The following ZNF407 variants were observed in gnomAD, a reference collection of about 807,000 sequenced individuals.
The protein encoded by ZNF407 is zinc finger protein 407.
ZNF407 carries 17 observed loss-of-function variants against 131.2 expected under a neutral mutation model. That is an observed-to-expected ratio of 0.13 (90% CI 0.09 to 0.19). The LOEUF (loss-of-function observed/expected upper bound fraction) is 0.19. Ranked by LOEUF, ZNF407 falls within the 10% of genes least tolerant of loss-of-function variation. The pLI, the probability that ZNF407 is intolerant of heterozygous loss-of-function variation, is 1.00. For missense variants in ZNF407, 2,681 were observed against 2,830.6 expected (o/e 0.95, Z 1.20); for synonymous variants, 1,156 against 1,062.0 (o/e 1.09, Z -1.72).
Position 74,631,672 on chromosome 18 carries a change from G to A in ZNF407, c.653G>A (p.Cys218Tyr). ...CAGCAGCCTAAGGAACATACCTGTT[G>A]TCACTGCAGCCACAAAGCAGAGAGC... is the stretch of plus-strand genomic sequence containing the variant. ...HMQQPKEHTC[C>Y]HCSHKAESSS... The change falls in exon 2 of 9, where the codon TGT becomes TAT. Residue 218 changes from cysteine (C) to tyrosine (Y), a missense_variant. Transcript: ENST00000299687. 1 of 1,613,984 alleles carries A rather than the reference G, an allele frequency of 6.2e-7. No individual in the cohort carries two copies. Among genetic ancestry groups the A allele is most frequent in the Non-Finnish European group, 8.5e-7 (1 of 1,179,890 alleles).
chr18:74,904,107 T>A (rs1292290625), intron 7 of ZNF407, among the ~76,000 whole-genome samples: 1 of 152,208 alleles, frequency 6.6e-6, no homozygotes, highest in Non-Finnish European at 1.5e-5. Flanking sequence ...TTCTATTTCA[T>A]TGAAGGGGAG....
chr18:74,610,580 C>T (rs959592232), intron 1 of ZNF407, among the ~76,000 whole-genome samples: 15 of 152,176 alleles, frequency 9.9e-5, no homozygotes, highest in East Asian at 3.9e-4. Context: ...TGAGAAGTCT[C>T]GTTCTTGTCC....
intron 3 of ZNF407, among the ~76,000 whole-genome samples, chr18:74,733,900 G>T (rs1968349545): frequency 6.6e-6 from 1 of 152,152 alleles, no homozygotes; most frequent in Non-Finnish European, 1.5e-5. Context: ...TTTTCTTTGA[G>T]AAAAGTCAAG....
At chr18:74,768,052 C>G (rs75956267) in intron 3 of ZNF407, among the ~76,000 whole-genome samples, 2,079 of 152,134 alleles carry the variant, frequency 0.014, 18 homozygotes, top group Non-Finnish European at 0.023. Flanking sequence ...ACCTTCAATT[C>G]ATTTTCACAT....
intron 1 of ZNF407, among the ~76,000 whole-genome samples, chr18:74,620,998 A>G (rs1342614743): frequency 6.6e-6 from 1 of 152,216 alleles, no homozygotes; most frequent in African/African-American, 2.4e-5. Context: ...CTAGGGGTCT[A>G]TTCAACGAAT....
At chr18:74,731,869 C>A (rs1029981382) in intron 3 of ZNF407, among the ~76,000 whole-genome samples, 1 of 152,048 alleles carries the variant, frequency 6.6e-6, no homozygotes, top group African/African-American at 2.4e-5. Context: ...TTCATACAAA[C>A]CCAGGCCATT....
chr18:75,056,377 C>T (rs780429563), intron 8 of ZNF407, among the ~76,000 whole-genome samples: 1 of 152,154 alleles, frequency 6.6e-6, no homozygotes, highest in Non-Finnish European at 1.5e-5. Context: ...AACCTGTGTT[C>T]TTAAAAACTT....
chr18:75,037,141 A>C (rs1973318336), intron 8 of ZNF407, among the ~76,000 whole-genome samples: 1 of 152,242 alleles, frequency 6.6e-6, no homozygotes, highest in Non-Finnish European at 1.5e-5. Context: ...ATTAGAGCAA[A>C]GCCTCCCACT....
At chr18:74,954,453 T>C (rs1441878792) in intron 8 of ZNF407, among the ~76,000 whole-genome samples, 1 of 152,206 alleles carries the variant, frequency 6.6e-6, no homozygotes, top group East Asian at 1.9e-4. Context: ...ATAAAAAATG[T>C]TGGGCAAAGG....
In ZNF407 at chr18:74,633,273, C is replaced by T; in HGVS notation, c.2254C>T (p.His752Tyr). The T allele has an allele frequency of 6.2e-7, 1 of 1,612,570 alleles. No individual in the cohort carries two copies. The highest frequency in any genetic ancestry group is 8.5e-7 in the Non-Finnish European group (1 of 1,179,590). ...ATTGAGCAAAGAAGGAATGGAGAAA[C>T]ACATTAAAAGAAGCAAGCATCTTGA... is the stretch of plus-strand genomic sequence containing the variant. ...YSLSKEGMEK[H>Y]IKRSKHLENA... Residue 752 changes from histidine (H) to tyrosine (Y), a missense_variant, in exon 2 of 9, where the codon CAC becomes TAC. This residue lies in a region of ZNF407 where 1,789 missense variants were observed against 1,748.7 expected (regional missense o/e 1.02). Coordinates refer to ENST00000299687, the MANE Select transcript of ZNF407 (RefSeq NM_017757.3).
At chr18:74,877,466 G>A in intron 5 of ZNF407, 103 bp downstream of exon 5, 2 of 1,046,104 alleles carry the variant, frequency 1.9e-6, no homozygotes, top group Non-Finnish European at 2.8e-6. Flanking sequence ...GTAATCAATG[G>A]AAATGATGTC....
intron 3 of ZNF407, among the ~76,000 whole-genome samples, chr18:74,742,536 GTTGA>G (rs1968573342): frequency 6.6e-6 from 1 of 152,038 alleles, no homozygotes. Flanking sequence ...TTGAATATTT[GTTGA>G]TTGAGTACTC....
At chr18:74,788,709 A>G (rs1361356787) in intron 4 of ZNF407, among the ~76,000 whole-genome samples, 1 of 150,678 alleles carries the variant, frequency 6.6e-6, no homozygotes, top group East Asian at 1.9e-4. Context: ...TATATGTCAC[A>G]GAAAATAGAT....
intron 4 of ZNF407, among the ~76,000 whole-genome samples, chr18:74,862,228 C>G (rs1970947528): frequency 6.6e-6 from 1 of 152,140 alleles, no homozygotes; most frequent in African/African-American, 2.4e-5. Context: ...AAACCTAGGT[C>G]CTAGAGCAGA....
intron 1 of ZNF407, among the ~76,000 whole-genome samples, chr18:74,630,463 G>A (rs1348492861): frequency 1.3e-5 from 2 of 152,128 alleles, no homozygotes; most frequent in Admixed American, 1.3e-4. Flanking sequence ...GAGCCACCAC[G>A]CCTGGCCGAA....
intron 4 of ZNF407, among the ~76,000 whole-genome samples, chr18:74,813,758 C>G (rs1409338303): frequency 6.6e-6 from 1 of 152,202 alleles, no homozygotes; most frequent in Non-Finnish European, 1.5e-5. Context: ...GCTCCCACAG[C>G]TTACTCAGTA....
chr18:75,005,582 C>T (rs183759986), intron 8 of ZNF407, among the ~76,000 whole-genome samples: 143 of 152,054 alleles, frequency 9.4e-4, no homozygotes, highest in African/African-American at 2.8e-3. Flanking sequence ...GAGGTTATCA[C>T]AGCTTATTTA....
intron 8 of ZNF407, among the ~76,000 whole-genome samples, chr18:75,060,849 C>G (rs1274422588): frequency 6.6e-6 from 1 of 152,214 alleles, no homozygotes; most frequent in African/African-American, 2.4e-5. Flanking sequence ...CTAAGATTCA[C>G]ACTTTACAGA....
intron 1 of ZNF407, among the ~76,000 whole-genome samples, chr18:74,605,210 C>G (rs1192543464): frequency 6.9e-6 from 1 of 144,426 alleles, no homozygotes; most frequent in East Asian, 1.9e-4. Context: ...TGAAGAGCAC[C>G]TCCTTCACCC....
Sources: allele counts gnomAD v4.1 joint callset (sites outside exome capture counted in the v4.1 genomes callset), GRCh38; gene constraint gnomAD v4.1.1; regional missense constraint gnomAD v4.1.1; transcripts MANE v1.5; gene names NCBI Gene and HGNC (gene_info 2026-07-23, HGNC 2026-07-21).